The following CEP83 variants were observed in gnomAD, a reference collection of about 807,000 sequenced individuals.
CEP83 encodes centrosomal protein 83.
A neutral mutation model predicts 101.9 loss-of-function variants in CEP83; 70 were observed. The ratio of observed to expected loss-of-function variants is 0.69; its 90% CI spans 0.57 to 0.84. The LOEUF is 0.84. CEP83 is among the 40% of genes least tolerant of loss of function. CEP83 has a pLI of 0.00. For synonymous variants in CEP83, 264 were observed against 267.9 expected (o/e 0.99, Z 0.14); for missense variants, 715 against 787.2 (o/e 0.91, Z 1.10).
the CEP83 span, among the ~76,000 whole-genome samples, chr12:94,293,557 C>T: frequency 1.3e-5 from 2 of 152,276 alleles, no homozygotes; most frequent in East Asian, 1.9e-4. Flanking sequence ...TGCTGAGAGC[C>T]GTCTTCTTGT....
chr12:94,399,980 G>A (rs79418699), intron 6 of CEP83, among the ~76,000 whole-genome samples: 6,577 of 152,118 alleles, frequency 0.043, 408 homozygotes, highest in African/African-American at 0.14. Context: ...AAATCAGTCC[G>A]ATCCAAATAG....
chr12:94,288,688 G>C, the CEP83 span, among the ~76,000 whole-genome samples: 1 of 152,218 alleles, frequency 6.6e-6, no homozygotes, highest in Non-Finnish European at 1.5e-5. Flanking sequence ...CTCAAGCCCT[G>C]AGAAACAAGA....
downstream of CEP83, among the ~76,000 whole-genome samples, chr12:94,302,501 T>G (rs1968564850): frequency 6.6e-6 from 1 of 152,232 alleles, no homozygotes; most frequent in Admixed American, 6.5e-5. Context: ...TTCATTTGAC[T>G]AATAAAGTTC....
At chr12:94,382,642 T>C (rs905453268) in intron 6 of CEP83, among the ~76,000 whole-genome samples, 7 of 151,978 alleles carry the variant, frequency 4.6e-5, no homozygotes, top group African/African-American at 1.7e-4. Context: ...CATTTCCAAG[T>C]GTTTGAAGAT....
intron 6 of CEP83, among the ~76,000 whole-genome samples, chr12:94,390,296 T>C (rs2137368391): frequency 2.0e-5 from 3 of 152,258 alleles, no homozygotes; most frequent in Middle Eastern, 6.8e-3. Context: ...CAACATTTGC[T>C]GTTCTGTGAC....
intron 8 of CEP83, among the ~76,000 whole-genome samples, chr12:94,371,249 G>C (rs138240635): frequency 5.3e-5 from 8 of 152,024 alleles, no homozygotes; most frequent in Non-Finnish European, 8.8e-5. Context: ...ATGCGAATCT[G>C]TTGGCTTAAG....
Position 94,369,665 on chromosome 12 carries a change from A to G in CEP83, c.1048+257T>C, listed in dbSNP as rs568732704. ...ATTTAAAATTTATAAATCAGGAAGT[A>G]TGGCATCCCATTTACAAAATTCATT... On this transcript the variant is annotated intron_variant, in intron 9 of 16. Coordinates refer to ENST00000397809, the MANE Select transcript of CEP83 (RefSeq NM_016122.3). 2.3e-5 allele frequency: 6 copies of G among 260,848 alleles called. No individual in the cohort carries two copies. In the South Asian group the frequency reaches 6.5e-4, roughly 28 times the overall value. 16.2% of individuals were successfully genotyped at this position (260,848 alleles called of 1,614,324 possible).
At chr12:94,353,910 G>A (rs2060318889) in intron 11 of CEP83, among the ~76,000 whole-genome samples, 1 of 151,262 alleles carries the variant, frequency 6.6e-6, no homozygotes, top group African/African-American at 2.4e-5. Flanking sequence ...ATTATATAAT[G>A]GAAAAAAAAA....
At chr12:94,417,996 A>G (rs771839821) in intron 2 of CEP83, among the ~76,000 whole-genome samples, 3 of 152,192 alleles carry the variant, frequency 2.0e-5, no homozygotes, top group African/African-American at 7.2e-5. Flanking sequence ...AATAAATGAA[A>G]AGAGGGTCAC....
chr12:94,301,583 G>A (rs550785015), downstream of CEP83, among the ~76,000 whole-genome samples: 2 of 152,164 alleles, frequency 1.3e-5, no homozygotes, highest in African/African-American at 4.8e-5. Flanking sequence ...ACAAAAATCA[G>A]AGCAAACTTC....
At chr12:94,289,168 T>C in the CEP83 span, among the ~76,000 whole-genome samples, 79 of 152,206 alleles carry the variant, frequency 5.2e-4, no homozygotes, top group Non-Finnish European at 6.9e-4. Context: ...AATCTTACCT[T>C]CACTTGCAAG....
chr12:94,447,580 T>G (rs373404462), intron 1 of CEP83, among the ~76,000 whole-genome samples: 14 of 152,232 alleles, frequency 9.2e-5, no homozygotes, highest in African/African-American at 3.4e-4. Flanking sequence ...TATTAAAGAC[T>G]CTAAAAATAT....
rs1350162321 is a variant in CEP83 at position 94,331,740 on chromosome 12, G to A, written c.1667C>T (p.Ala556Val). Residue 556 changes from alanine (A) to valine (V), a missense_variant, in exon 14 of 17, where the codon GCT becomes GTT. Transcript: ENST00000397809. The stretch of plus-strand genomic sequence containing the variant: ...TGCAGCTCGCTGCAGTTTCTCCTTA[G>A]CTTGATTGTACTTTTCTTCTCTGTC... ...ITDREEKYNQ[A>V]KEKLQRAAIA... 1 of 1,614,012 alleles carries A rather than the reference G, an allele frequency of 6.2e-7. No homozygotes were observed. The highest frequency in any genetic ancestry group is 1.7e-5 in the Admixed American group (1 of 60,014).
intron 14 of CEP83, among the ~76,000 whole-genome samples, chr12:94,319,161 ATC>A (rs925133862): frequency 6.6e-5 from 10 of 152,288 alleles, no homozygotes; most frequent in Non-Finnish European, 8.8e-5. Flanking sequence ...CCAGAAATTT[ATC>A]TGTCTCTTCT....
intron 6 of CEP83, among the ~76,000 whole-genome samples, chr12:94,379,362 C>T (rs900398528): frequency 6.6e-6 from 1 of 152,068 alleles, no homozygotes; most frequent in African/African-American, 2.4e-5. Context: ...TTCATCATAA[C>T]ATTATAGGGG....
chr12:94,441,134 G>A (rs1306201234), intron 1 of CEP83, among the ~76,000 whole-genome samples: 4 of 152,048 alleles, frequency 2.6e-5, no homozygotes, highest in Non-Finnish European at 5.9e-5. Flanking sequence ...AAGAGTTCAC[G>A]ACCAAGAACC....
chr12:94,442,388 G>T (rs891583781), intron 1 of CEP83, among the ~76,000 whole-genome samples: 2 of 151,982 alleles, frequency 1.3e-5, no homozygotes, highest in African/African-American at 4.8e-5. Flanking sequence ...GGGGGTGAGG[G>T]TTAAAAGACT....
At chr12:94,351,987 T>C (rs1014979855) in intron 11 of CEP83, among the ~76,000 whole-genome samples, 1 of 152,158 alleles carries the variant, frequency 6.6e-6, no homozygotes, top group African/African-American at 2.4e-5. Flanking sequence ...TGTACTAATA[T>C]AGAAACAAAG....
intron 11 of CEP83, among the ~76,000 whole-genome samples, chr12:94,337,693 C>G (rs1279731956): frequency 6.6e-6 from 1 of 151,810 alleles, no homozygotes; most frequent in Non-Finnish European, 1.5e-5. Context: ...TAAGTTAAGG[C>G]TACATAAAAG....
Sources: allele counts gnomAD v4.1 joint callset (sites outside exome capture counted in the v4.1 genomes callset), GRCh38; gene constraint gnomAD v4.1.1; transcripts MANE v1.5; gene names NCBI Gene and HGNC (gene_info 2026-07-23, HGNC 2026-07-21).